The following DGKI variants were observed in gnomAD, a reference collection of about 807,000 sequenced individuals.
The protein encoded by DGKI is diacylglycerol kinase iota, also known as DAG kinase iota.
In DGKI, 55 loss-of-function variants were observed where a neutral mutation model predicts 147.5. That is an observed-to-expected ratio of 0.37 (90% CI 0.30 to 0.47). The LOEUF is 0.47. DGKI is among the 20% of genes least tolerant of loss of function. DGKI has a pLI of 1.00. For synonymous variants in DGKI, 469 were observed against 477.1 expected, an observed-to-expected ratio of 0.98 and a Z score of 0.22; for missense variants, 1,007 against 1,323.8, an observed-to-expected ratio of 0.76 and a Z score of 3.71.
chr7:137,526,561 G>C (rs1250572508), intron 20 of DGKI, among the ~76,000 whole-genome samples: 1 of 152,022 alleles, frequency 6.6e-6, no homozygotes, highest in African/African-American at 2.4e-5. Flanking sequence ...GAATCACTCA[G>C]ATGGGTTTCC....
At position 137,707,519 on chromosome 7, in the gene DGKI, G is replaced by A. The variant is rs188702318; in HGVS notation, c.402-17517C>T. 8.5e-5 allele frequency among the ~76,000 whole-genome samples: 13 copies of A among 152,310 alleles called. No homozygotes were observed. The East Asian group carries it at 1.4e-3, about 16-fold the overall frequency. Reference sequence around the variant, plus strand: ...GGTGGGAGGTGACTGGATCACAGGGGTGGTTTCTCATGGGTTAATACTATC... The same window carrying A: ...GGTGGGAGGTGACTGGATCACAGGGATGGTTTCTCATGGGTTAATACTATC... On this transcript the variant is annotated intron_variant, in intron 1 of 32. Coordinates refer to ENST00000614521, the MANE Select transcript of DGKI (RefSeq NM_001321708.2).
intron 5 of DGKI, 141 bp from the exon 6 acceptor site, chr7:137,645,678 C>T (rs1821799830): frequency 3.1e-6 from 2 of 650,608 alleles, no homozygotes; most frequent in Non-Finnish European, 5.0e-6. Flanking sequence ...GCAATTCACC[C>T]ATCTCAGCCT....
intron 1 of DGKI, among the ~76,000 whole-genome samples, chr7:137,839,432 G>A (rs1215975627): frequency 6.6e-6 from 1 of 152,186 alleles, no homozygotes; most frequent in South Asian, 2.1e-4. Flanking sequence ...AGACAAATCT[G>A]TTCCTTAACT....
intron 6 of DGKI, among the ~76,000 whole-genome samples, chr7:137,626,867 G>A (rs911710143): frequency 1.3e-5 from 2 of 152,148 alleles, no homozygotes; most frequent in African/African-American, 4.8e-5. Context: ...CCGGTGAAAT[G>A]ATGCTTTCTA....
intron 31 of DGKI, 54 bp downstream of exon 31, chr7:137,397,323 C>A: frequency 2.0e-6 from 3 of 1,520,118 alleles, no homozygotes; most frequent in Non-Finnish European, 2.7e-6. Flanking sequence ...ATTCTTCTCC[C>A]AGATATGTTC....
At chr7:137,569,743 A>G (rs1818727445) in intron 19 of DGKI, among the ~76,000 whole-genome samples, 1 of 41,786 alleles carries the variant, frequency 2.4e-5, no homozygotes, top group Non-Finnish European at 4.4e-5. Flanking sequence ...AAAAAAAAAA[A>G]AAAAAAAAAA....
intron 1 of DGKI, among the ~76,000 whole-genome samples, chr7:137,699,054 C>G (rs1428486672): frequency 6.6e-6 from 1 of 152,198 alleles, no homozygotes; most frequent in African/African-American, 2.4e-5. Context: ...TCTCACAGTT[C>G]TGGAGGTTGG....
intron 28 of DGKI, among the ~76,000 whole-genome samples, chr7:137,424,578 G>A (rs1045420616): frequency 2.0e-5 from 3 of 152,130 alleles, no homozygotes; most frequent in Non-Finnish European, 4.4e-5. Context: ...GCCAAAGCAG[G>A]GTGAGGCATT....
chr7:137,426,517 T>C (rs1301597492), intron 28 of DGKI, among the ~76,000 whole-genome samples: 4 of 152,222 alleles, frequency 2.6e-5, no homozygotes, highest in South Asian at 4.2e-4. Flanking sequence ...CCAGCTAACA[T>C]CATAATGACA....
rs184311862 is a variant in DGKI, at chr7:137,521,043, T to A, written c.2248+823A>T. Among the ~76,000 whole-genome samples the A allele has an allele frequency of 2.6e-4, 39 of 152,194 alleles. No homozygotes were observed. The East Asian group carries it at 6.2e-3, about 24-fold the overall frequency. On this transcript the variant is annotated intron_variant, in intron 21 of 32. Transcript: ENST00000614521. ...ATTGCCTATTCCCTTGGACACCAGTTTTCCTTATCTTCTTTGACTTTATTG... is the reference window on the plus strand; with the variant it reads ...ATTGCCTATTCCCTTGGACACCAGTATTCCTTATCTTCTTTGACTTTATTG...
At chr7:137,760,940 C>T (rs1795840522) in intron 1 of DGKI, among the ~76,000 whole-genome samples, 1 of 152,190 alleles carries the variant, frequency 6.6e-6, no homozygotes, top group African/African-American at 2.4e-5. Context: ...TCCCATGCCT[C>T]CTTAGAGATC....
chr7:137,824,188 C>T (rs1414905106), intron 1 of DGKI, among the ~76,000 whole-genome samples: 2 of 152,046 alleles, frequency 1.3e-5, no homozygotes, highest in Non-Finnish European at 2.9e-5. Context: ...ATCATAACAA[C>T]GCTGAAGAAA....
intron 1 of DGKI, among the ~76,000 whole-genome samples, chr7:137,744,209 C>T (rs1022392829): frequency 6.6e-6 from 1 of 152,028 alleles, no homozygotes; most frequent in African/African-American, 2.4e-5. Flanking sequence ...AAAGATATCA[C>T]AACCGATCCC....
intron 24 of DGKI, among the ~76,000 whole-genome samples, chr7:137,468,305 T>C (rs1188697793): frequency 1.3e-5 from 2 of 149,584 alleles, no homozygotes; most frequent in Admixed American, 1.3e-4. Context: ...AAGGTTTTAT[T>C]TTATTAAAAC....
chr7:137,713,289 T>C (rs1169730983), intron 1 of DGKI, among the ~76,000 whole-genome samples: 1 of 152,164 alleles, frequency 6.6e-6, no homozygotes, highest in Non-Finnish European at 1.5e-5. Context: ...ATTTATAATA[T>C]TCACATAGGG....
intron 17 of DGKI, among the ~76,000 whole-genome samples, chr7:137,576,784 C>T (rs1818995395): frequency 6.6e-6 from 1 of 152,152 alleles, no homozygotes. Flanking sequence ...TAAATATCCT[C>T]CTCAGATTAT....
chr7:137,406,762 A>G (rs1223799736), intron 30 of DGKI, among the ~76,000 whole-genome samples: 1 of 152,170 alleles, frequency 6.6e-6, no homozygotes, highest in Non-Finnish European at 1.5e-5. Context: ...AAATTTAATT[A>G]TACACATGAT....
chr7:137,733,497 G>A (rs1174479683), intron 1 of DGKI, among the ~76,000 whole-genome samples: 1 of 152,004 alleles, frequency 6.6e-6, no homozygotes, highest in Non-Finnish European at 1.5e-5. Context: ...ATCCATCAAT[G>A]AATACTTGGA....
At chr7:137,579,731 G>A (rs1236945889) in intron 15 of DGKI, among the ~76,000 whole-genome samples, 1 of 151,846 alleles carries the variant, frequency 6.6e-6, no homozygotes, top group Non-Finnish European at 1.5e-5. Context: ...TTACATGCAG[G>A]GGAAATGTTT....
Sources: allele counts gnomAD v4.1 joint callset (sites outside exome capture counted in the v4.1 genomes callset), GRCh38; gene constraint gnomAD v4.1.1; transcripts MANE v1.5; gene names NCBI Gene and HGNC (gene_info 2026-07-23, HGNC 2026-07-21).